Variants in WDR5 observed in about 807,000 individuals in gnomAD.
WDR5 encodes the protein WD repeat-containing protein 5.
For missense variants in WDR5, 187 were observed against 416.9 expected (o/e 0.45, Z 4.80); for synonymous variants, 144 against 161.6 (o/e 0.89, Z 0.83).
chr9:134,138,072 TTTTG>T (rs1831671700), intron 1 of WDR5, among the ~76,000 whole-genome samples: 1 of 152,202 alleles, frequency 6.6e-6, no homozygotes, highest in African/African-American at 2.4e-5. Context: ...GTTAAGGTTG[TTTTG>T]TTTGTTTCTT....
intron 11 of WDR5, 86 bp from the exon 12 acceptor site, chr9:134,155,607 A>G (rs546774123): frequency 5.5e-5 from 78 of 1,408,546 alleles, no homozygotes; most frequent in Non-Finnish European, 7.1e-5. Context: ...TGAAGTGAGT[A>G]GTGAAACGCC....
intron 8 of WDR5, among the ~76,000 whole-genome samples, chr9:134,149,361 G>T (rs1832378582): frequency 6.6e-6 from 1 of 152,236 alleles, no homozygotes; most frequent in Non-Finnish European, 1.5e-5. Context: ...GAGGTCACTG[G>T]GATGTGCTGT....
In WDR5 at chr9:134,142,303, T is replaced by C. The variant is rs1327721381; in HGVS notation, c.355-30T>C. 1.9e-6 allele frequency: 3 copies of C among 1,602,788 alleles called. No homozygotes were observed. In the Admixed American group the frequency reaches 5.0e-5, roughly 27 times the overall value. ...CTCTTACGTTTGGGGAAATAAGCACTGGAATAATCCTAATAATACTCTGTT... is the reference window on the plus strand; with the variant it reads ...CTCTTACGTTTGGGGAAATAAGCACCGGAATAATCCTAATAATACTCTGTT... On this transcript the variant is annotated intron_variant, in intron 5 of 13. Transcript: ENST00000358625.
chr9:134,144,539 A>T (rs1228082300), intron 7 of WDR5, among the ~76,000 whole-genome samples: 1 of 152,174 alleles, frequency 6.6e-6, no homozygotes, highest in Non-Finnish European at 1.5e-5. Flanking sequence ...ACGTTTGCTC[A>T]TAAAAAAACA....
intron 12 of WDR5, among the ~76,000 whole-genome samples, chr9:134,156,115 A>T (rs2132588310): frequency 6.6e-6 from 1 of 152,256 alleles, no homozygotes; most frequent in East Asian, 1.9e-4. Context: ...CCCAGCAGGG[A>T]GGGGAGTGTG....
At chr9:134,141,377 C>A in intron 3 of WDR5, 133 bp from the exon 4 acceptor site, 2 of 780,330 alleles carry the variant, frequency 2.6e-6, no homozygotes, top group Admixed American at 2.2e-5. Flanking sequence ...TGTGGCCGTG[C>A]TGAATGGGTT....
At chr9:134,155,597 T>G (rs1160473407) in intron 11 of WDR5, 96 bp from the exon 12 acceptor site, 8 of 1,364,936 alleles carry the variant, frequency 5.9e-6, no homozygotes, top group Non-Finnish European at 8.2e-6. Flanking sequence ...CAGAAATAAG[T>G]GAAGTGAGTA....
At chr9:134,151,907 TTA>T in intron 8 of WDR5, 74 bp from the exon 9 acceptor site, 1 of 1,483,874 alleles carries the variant, frequency 6.7e-7, no homozygotes, top group Non-Finnish European at 9.2e-7. Flanking sequence ...GTCCTAAAAT[TTA>T]TATCTGACTC....
chr9:134,154,232 C>T (rs1190709448), intron 9 of WDR5, among the ~76,000 whole-genome samples: 1 of 151,640 alleles, frequency 6.6e-6, no homozygotes, highest in Non-Finnish European at 1.5e-5. Context: ...TTCGTAAAGT[C>T]CTGGTGTCAA....
At chr9:134,147,000 C>T (rs990142660) in intron 7 of WDR5, among the ~76,000 whole-genome samples, 69 of 152,286 alleles carry the variant, frequency 4.5e-4, no homozygotes, top group African/African-American at 1.5e-3. Flanking sequence ...GGCTGCCAGC[C>T]GCATGATGGC....
rs1196570083 is a variant in WDR5 at position 134,136,207 on chromosome 9, G to C, written c.-59+7G>C. The C allele has an allele frequency of 6.8e-6, 1 of 147,844 alleles. No homozygotes were observed. Among genetic ancestry groups the C allele is most frequent in the Non-Finnish European group, 1.5e-5 (1 of 66,344 alleles). The allele number at this position is 147,844 out of a possible 1,614,324, so 9.2% of individuals were successfully genotyped here. ...CGCCGCCGCGGCCCGGCAGGTAAGC[G>C]GGCAGCCGCCCGGCCCGGGGAACAC... On this transcript the variant is annotated splice_region_variant and intron_variant, in intron 1 of 13. Coordinates refer to ENST00000358625, the MANE Select transcript of WDR5 (RefSeq NM_017588.3).
chr9:134,137,554 C>G (rs1010246671), intron 1 of WDR5, among the ~76,000 whole-genome samples: 1 of 151,650 alleles, frequency 6.6e-6, no homozygotes, highest in African/African-American at 2.4e-5. Context: ...CGTAGTGGTA[C>G]GCGCCTGTAA....
intron 8 of WDR5, among the ~76,000 whole-genome samples, chr9:134,149,472 C>T (rs1832384952): frequency 6.6e-6 from 1 of 152,182 alleles, no homozygotes; most frequent in African/African-American, 2.4e-5. Flanking sequence ...ATAAAGGATA[C>T]ACTTCAGGAA....
At chr9:134,144,894 C>A (rs1378152650) in intron 7 of WDR5, among the ~76,000 whole-genome samples, 2 of 152,158 alleles carry the variant, frequency 1.3e-5, no homozygotes, top group East Asian at 3.9e-4. Context: ...CCCTGAGCCA[C>A]CCCTGGGGTC....
chr9:134,152,968 C>G (rs1250776449), intron 9 of WDR5, among the ~76,000 whole-genome samples: 2 of 152,218 alleles, frequency 1.3e-5, no homozygotes. Context: ...CTCATTTTCA[C>G]TCTGTCGCCC....
chr9:134,136,312 AGGCCCAGCCCCG>A (rs1216668387), intron 1 of WDR5, 112 bp downstream of exon 1: 2 of 149,400 alleles, frequency 1.3e-5, no homozygotes, highest in Non-Finnish European at 3.0e-5. Flanking sequence ...GCCTCGGGCC[AGGCCCAGCCCCG>A]GGCGCTGCTC....
At chr9:134,154,262 G>A (rs1362859652) in intron 9 of WDR5, among the ~76,000 whole-genome samples, 3 of 152,150 alleles carry the variant, frequency 2.0e-5, no homozygotes, top group Non-Finnish European at 4.4e-5. Flanking sequence ...GGGCCTATGG[G>A]CTTGAGGTGT....
chr9:134,136,580 C>A (rs535975908), intron 1 of WDR5, among the ~76,000 whole-genome samples: 28 of 152,276 alleles, frequency 1.8e-4, no homozygotes, highest in African/African-American at 6.3e-4. Flanking sequence ...GCCACTCAGT[C>A]CCTGGACGAG....
intron 7 of WDR5, among the ~76,000 whole-genome samples, chr9:134,146,774 A>G (rs140509403): frequency 1.6e-3 from 240 of 152,366 alleles, no homozygotes; most frequent in Non-Finnish European, 2.5e-3. Context: ...TAATAGTCTC[A>G]ATAAGAGACT....
Sources: allele counts gnomAD v4.1 joint callset (sites outside exome capture counted in the v4.1 genomes callset), GRCh38; gene constraint gnomAD v4.1.1; transcripts MANE v1.5; gene names NCBI Gene and HGNC (gene_info 2026-07-23, HGNC 2026-07-21).